The following CDH18 variants were observed in gnomAD, a reference collection of about 807,000 sequenced individuals.
The protein encoded by CDH18 is cadherin 18, also known as cadherin-18.
Under a neutral mutation model 67.9 loss-of-function variants are expected in CDH18, and 31 were observed. That is an observed-to-expected ratio of 0.46 (90% CI 0.34 to 0.62). The LOEUF is 0.62. CDH18 is among the 20% of genes least tolerant of loss of function. The probability of loss-of-function intolerance (pLI) is 0.01; values close to 1 mark genes in which losing one functional copy is unlikely to be tolerated. For missense variants in CDH18, 890 were observed against 975.5 expected (o/e 0.91, Z 1.17); for synonymous variants, 362 against 347.2 (o/e 1.04, Z -0.48).
intron 2 of CDH18, among the ~76,000 whole-genome samples, chr5:19,900,994 C>T (rs1043595938): frequency 6.6e-6 from 1 of 152,064 alleles, no homozygotes; most frequent in Admixed American, 6.6e-5. Context: ...CCTAGTGTGG[C>T]CTTGTGCCCT....
At chr5:20,059,121 G>A (rs944920686) in intron 2 of CDH18, among the ~76,000 whole-genome samples, 7 of 152,180 alleles carry the variant, frequency 4.6e-5, no homozygotes, top group African/African-American at 1.7e-4. Context: ...TTGGGTAGAA[G>A]TGTTTATAGT....
At chr5:20,327,488 C>T (rs927780459) in intron 1 of CDH18, among the ~76,000 whole-genome samples, 1 of 151,974 alleles carries the variant, frequency 6.6e-6, no homozygotes, top group African/African-American at 2.4e-5. Flanking sequence ...CCTGCTTGCT[C>T]TTGCTCCTTT....
chr5:20,275,801 G>C (rs1004575331), intron 1 of CDH18, among the ~76,000 whole-genome samples: 2 of 152,164 alleles, frequency 1.3e-5, no homozygotes, highest in African/African-American at 4.8e-5. Context: ...AATGGGATAG[G>C]AAAGACAGTC....
At chr5:19,495,801 GATAA>G (rs1396754389) in intron 11 of CDH18, among the ~76,000 whole-genome samples, 2 of 150,426 alleles carry the variant, frequency 1.3e-5, no homozygotes, top group Admixed American at 6.6e-5. Flanking sequence ...GCTGAAGTGA[GATAA>G]ATAGAGGAGT....
In CDH18 at chr5:19,883,782, T is replaced by G. The variant is rs192005619; in HGVS notation, c.-256-44540A>C. Among the ~76,000 whole-genome samples, 83 of 152,252 alleles carry G rather than the reference T, an allele frequency of 5.5e-4. No individual in the cohort carries two copies. The Middle Eastern group carries it at 0.014, about 25-fold the overall frequency. ...TTACTTTCAAATGCAGAACTAAATC[T>G]CAACTTGTAAATATACAAGGATAGA... On this transcript the variant is annotated intron_variant, in intron 2 of 12. Coordinates refer to ENST00000382275, the MANE Select transcript of CDH18 (RefSeq NM_004934.5).
chr5:20,317,840 G>T (rs1393382667), intron 1 of CDH18, among the ~76,000 whole-genome samples: 1 of 152,150 alleles, frequency 6.6e-6, no homozygotes, highest in Non-Finnish European at 1.5e-5. Context: ...TAGAATGGTT[G>T]CAAGTCCCTA....
chr5:19,759,148 C>G (rs780477478), intron 3 of CDH18, among the ~76,000 whole-genome samples: 1 of 152,156 alleles, frequency 6.6e-6, no homozygotes, highest in Non-Finnish European at 1.5e-5. Flanking sequence ...GCAATGAAAC[C>G]ACATCTGGTA....
chr5:19,616,296 A>T (rs1359549910), intron 5 of CDH18, among the ~76,000 whole-genome samples: 1 of 152,008 alleles, frequency 6.6e-6, no homozygotes, highest in Non-Finnish European at 1.5e-5. Context: ...CACCACACAG[A>T]TACATACATT....
chr5:19,478,875 G>C (rs998303685), intron 12 of CDH18, among the ~76,000 whole-genome samples: 1 of 152,064 alleles, frequency 6.6e-6, no homozygotes, highest in Non-Finnish European at 1.5e-5. Flanking sequence ...CATCATAAAG[G>C]CTCACTCTAA....
At chr5:20,007,988 G>A (rs1737061148) in intron 2 of CDH18, among the ~76,000 whole-genome samples, 1 of 151,894 alleles carries the variant, frequency 6.6e-6, no homozygotes, top group African/African-American at 2.4e-5. Flanking sequence ...TTTACTATCT[G>A]GCTCTTTACA....
intron 1 of CDH18, among the ~76,000 whole-genome samples, chr5:20,339,714 G>A (rs182294915): frequency 1.1e-3 from 160 of 152,222 alleles, no homozygotes; most frequent in Non-Finnish European, 2.0e-3. Context: ...TAAGGTACAG[G>A]TCCTCTTTTC....
intron 11 of CDH18, among the ~76,000 whole-genome samples, chr5:19,496,644 T>A (rs1484772109): frequency 1.3e-5 from 2 of 151,952 alleles, no homozygotes; most frequent in African/African-American, 4.8e-5. Flanking sequence ...AAACCCTGTC[T>A]CCACTAAAAA....
At chr5:20,289,090 A>T (rs979060455) in intron 1 of CDH18, among the ~76,000 whole-genome samples, 1 of 151,876 alleles carries the variant, frequency 6.6e-6, no homozygotes, top group East Asian at 1.9e-4. Flanking sequence ...TTATTGTCCC[A>T]ATTAATTAAC....
chr5:19,739,641 AG>A (rs1440006158), intron 4 of CDH18, among the ~76,000 whole-genome samples: 1 of 152,238 alleles, frequency 6.6e-6, no homozygotes, highest in African/African-American at 2.4e-5. Flanking sequence ...CAAATAAAGA[AG>A]AAAATTATGA....
At chr5:20,501,097 T>G (rs1754220534) in intron 1 of CDH18, among the ~76,000 whole-genome samples, 1 of 152,070 alleles carries the variant, frequency 6.6e-6, no homozygotes, top group Non-Finnish European at 1.5e-5. Flanking sequence ...ACACAGCAAA[T>G]AAAATGTCAA....
At chr5:19,647,467 T>C (rs767698941) in intron 5 of CDH18, among the ~76,000 whole-genome samples, 28 of 135,800 alleles carry the variant, frequency 2.1e-4, no homozygotes, top group Admixed American at 3.4e-4. Flanking sequence ...GAGGTAGAGG[T>C]TGCAGTGAGC....
intron 1 of CDH18, among the ~76,000 whole-genome samples, chr5:20,340,784 C>T (rs1393283088): frequency 1.3e-5 from 2 of 152,146 alleles, no homozygotes; most frequent in African/African-American, 2.4e-5. Flanking sequence ...CTTCCTCCTC[C>T]TGTAGCATGA....
intron 2 of CDH18, among the ~76,000 whole-genome samples, chr5:20,061,041 G>T (rs988404790): frequency 1.3e-5 from 2 of 151,610 alleles, no homozygotes; most frequent in East Asian, 3.9e-4. Context: ...TTTTATACAC[G>T]CAAATAATTC....
At chr5:19,847,541 T>C (rs1783135634) in intron 2 of CDH18, among the ~76,000 whole-genome samples, 1 of 152,126 alleles carries the variant, frequency 6.6e-6, no homozygotes, top group African/African-American at 2.4e-5. Context: ...AAGATGGTTA[T>C]TTTGAATTCT....
Sources: gnomAD v4.1 joint callset for allele counts (sites outside exome capture counted in the v4.1 genomes callset) on GRCh38, gnomAD v4.1.1 for gene constraint, MANE v1.5 for transcripts, NCBI Gene and HGNC (gene_info 2026-07-23, HGNC 2026-07-21) for gene names.